Variants in HDAC9 observed in about 807,000 individuals in gnomAD.
HDAC9 encodes the protein MEF-2 interacting transcription repressor (MITR) protein.
A neutral mutation model predicts 139.4 loss-of-function variants in HDAC9; 41 were observed. The ratio of observed to expected loss-of-function variants is 0.29; its 90% CI spans 0.23 to 0.38. The LOEUF is 0.38. Ranked by LOEUF, HDAC9 falls within the 10% of genes least tolerant of loss-of-function variation. The pLI is 1.00. For synonymous variants in HDAC9, 517 were observed against 476.2 expected, an observed-to-expected ratio of 1.09 and a Z score of -1.12; for missense variants, 1,147 against 1,297.0, an observed-to-expected ratio of 0.88 and a Z score of 1.78.
chr7:18,111,362 C>T (rs1783609293), intron 1 of HDAC9, among the ~76,000 whole-genome samples: 1 of 152,080 alleles, frequency 6.6e-6, no homozygotes, highest in South Asian at 2.1e-4. Flanking sequence ...GCAAAACAGG[C>T]AGAAAAGGAG....
chr7:18,172,583 CATTT>C (rs1177055587), intron 2 of HDAC9, among the ~76,000 whole-genome samples: 3 of 152,152 alleles, frequency 2.0e-5, no homozygotes, highest in African/African-American at 7.2e-5. Context: ...CTTTTGTGGG[CATTT>C]AGTGTTATAA....
At chr7:18,956,669 T>C (rs574031683) in intron 24 of HDAC9, among the ~76,000 whole-genome samples, 1 of 152,228 alleles carries the variant, frequency 6.6e-6, no homozygotes, top group Non-Finnish European at 1.5e-5. Context: ...AGGAGTCTGG[T>C]TTTATTCATG....
intron 24 of HDAC9, among the ~76,000 whole-genome samples, chr7:18,956,983 A>G (rs565637264): frequency 1.9e-4 from 29 of 152,288 alleles, no homozygotes; most frequent in Admixed American, 1.5e-3. Context: ...ACCAGGCCCT[A>G]TAAATTCTGT....
chr7:18,166,657 A>G (rs986449361), intron 2 of HDAC9, among the ~76,000 whole-genome samples: 1 of 152,216 alleles, frequency 6.6e-6, no homozygotes, highest in Non-Finnish European at 1.5e-5. Flanking sequence ...TCATGGTTCA[A>G]TTAATACAGC....
intron 2 of HDAC9, among the ~76,000 whole-genome samples, chr7:18,250,767 C>A (rs1432830523): frequency 6.6e-6 from 1 of 152,100 alleles, no homozygotes; most frequent in African/African-American, 2.4e-5. Context: ...TTTTTCTCTG[C>A]AACCTCACCA....
intron 1 of HDAC9, among the ~76,000 whole-genome samples, chr7:18,419,441 T>C (rs1789409896): frequency 2.6e-5 from 4 of 152,186 alleles, no homozygotes; most frequent in Admixed American, 2.6e-4. Context: ...AGACCCCCGT[T>C]TGAGTCAGGC....
chr7:18,472,956 T>G (rs1456224739), intron 1 of HDAC9, among the ~76,000 whole-genome samples: 1 of 152,192 alleles, frequency 6.6e-6, no homozygotes, highest in Non-Finnish European at 1.5e-5. Flanking sequence ...CACTTAGCAA[T>G]TTCTAAATCA....
chr7:18,236,057 T>G (rs1044917751), intron 2 of HDAC9, among the ~76,000 whole-genome samples: 1 of 152,180 alleles, frequency 6.6e-6, no homozygotes, highest in African/African-American at 2.4e-5. Flanking sequence ...CTGGAGTTGT[T>G]TTGTTGTCAA....
At chr7:18,587,763 C>T (rs1037597499) in intron 3 of HDAC9, among the ~76,000 whole-genome samples, 2 of 152,276 alleles carry the variant, frequency 1.3e-5, no homozygotes, top group Middle Eastern at 6.8e-3. Flanking sequence ...TCTCATGGGC[C>T]AGAACATCTA....
chr7:18,350,310 A>C (rs1366700253), intron 1 of HDAC9, among the ~76,000 whole-genome samples: 2 of 152,190 alleles, frequency 1.3e-5, no homozygotes, highest in Admixed American at 1.3e-4. Flanking sequence ...ATTGGATTCC[A>C]TGAAAAAAAT....
At chr7:18,207,842 G>A (rs1053010596) in intron 2 of HDAC9, among the ~76,000 whole-genome samples, 1 of 151,942 alleles carries the variant, frequency 6.6e-6, no homozygotes, top group Non-Finnish European at 1.5e-5. Context: ...AGCCTTCTGA[G>A]TAGCTGGGGT....
At chr7:18,728,169 T>C (rs542746784) in intron 13 of HDAC9, among the ~76,000 whole-genome samples, 6 of 152,294 alleles carry the variant, frequency 3.9e-5, no homozygotes, top group African/African-American at 1.4e-4. Context: ...TTTGTTTTAT[T>C]TCACTGTTTT....
chr7:18,966,384 C>T (rs768311548), intron 24 of HDAC9, among the ~76,000 whole-genome samples: 2 of 152,172 alleles, frequency 1.3e-5, no homozygotes, highest in Non-Finnish European at 2.9e-5. Context: ...TTGTGACGTG[C>T]ATGAAGCTAC....
intron 22 of HDAC9, among the ~76,000 whole-genome samples, chr7:18,903,556 C>T (rs533978393): frequency 5.9e-5 from 9 of 152,172 alleles, no homozygotes; most frequent in African/African-American, 2.2e-4. Context: ...TCTTTTTTAC[C>T]ATCGTTTCAC....
intron 5 of HDAC9, among the ~76,000 whole-genome samples, chr7:18,592,533 C>T (rs1831291650): frequency 6.6e-6 from 1 of 151,682 alleles, no homozygotes; most frequent in African/African-American, 2.4e-5. Context: ...TTTTTCAATC[C>T]CTCACACCAT....
At chr7:18,438,065 A>G (rs1389647701) in intron 1 of HDAC9, among the ~76,000 whole-genome samples, 2 of 150,626 alleles carry the variant, frequency 1.3e-5, no homozygotes, top group Non-Finnish European at 3.0e-5. Flanking sequence ...AGTGGTATAT[A>G]TATAAAGTTT....
At chr7:18,723,801 A>C (rs1472296832) in intron 12 of HDAC9, among the ~76,000 whole-genome samples, 1 of 152,166 alleles carries the variant, frequency 6.6e-6, no homozygotes, top group Non-Finnish European at 1.5e-5. Flanking sequence ...AATATTTAGT[A>C]ACCCCAGTCA....
upstream of HDAC9, among the ~76,000 whole-genome samples, chr7:18,289,671 G>C (rs1337130804): frequency 6.6e-6 from 1 of 152,076 alleles, no homozygotes; most frequent in Non-Finnish European, 1.5e-5. Context: ...CATTTAAGTA[G>C]CTCAGAAAAT....
chr7:18,388,365 GC>G (rs1250495551), intron 1 of HDAC9, among the ~76,000 whole-genome samples: 1 of 152,198 alleles, frequency 6.6e-6, no homozygotes, highest in African/African-American at 2.4e-5. Context: ...AGCTTTCAGA[GC>G]CCCCATCCCT....
Sources: allele counts gnomAD v4.1 joint callset (sites outside exome capture counted in the v4.1 genomes callset), GRCh38; gene constraint gnomAD v4.1.1; transcripts MANE v1.5; gene names NCBI Gene and HGNC (gene_info 2026-07-23, HGNC 2026-07-21).